The following KSR2 variants were observed in gnomAD, a reference collection of about 807,000 sequenced individuals.
KSR2 encodes kinase suppressor of ras 2.
Under a neutral mutation model 107.8 loss-of-function variants are expected in KSR2, and 25 were observed. That is an observed-to-expected ratio of 0.23 (90% CI 0.17 to 0.32). The LOEUF (loss-of-function observed/expected upper bound fraction) is 0.32. Ranked by LOEUF, KSR2 falls within the 10% of genes least tolerant of loss-of-function variation. KSR2 has a pLI of 1.00. For missense variants in KSR2, 887 were observed against 1,268.9 expected (o/e 0.70, Z 4.57); for synonymous variants, 480 against 507.0 (o/e 0.95, Z 0.71).
At chr12:117,760,958 C>T in intron 4 of KSR2, 53 bp downstream of exon 4, 2 of 1,606,440 alleles carry the variant, frequency 1.2e-6, no homozygotes, top group Non-Finnish European at 8.5e-7. Context: ...CAAGGGGCAG[C>T]CCCTCGCAGG....
intron 15 of KSR2, among the ~76,000 whole-genome samples, 187 bp downstream of exon 15, chr12:117,485,408 G>T (rs770210602): frequency 6.6e-6 from 1 of 152,162 alleles, no homozygotes; most frequent in Admixed American, 6.6e-5. Flanking sequence ...CCTAAAGATC[G>T]TATCGAGGCA....
chr12:117,640,886 C>A (rs1428983270), intron 5 of KSR2, among the ~76,000 whole-genome samples: 3 of 152,172 alleles, frequency 2.0e-5, no homozygotes, highest in Non-Finnish European at 4.4e-5. Context: ...CACTTCCCCC[C>A]AAAAGCACCC....
At chr12:117,796,752 C>T (rs1278425503) in intron 3 of KSR2, among the ~76,000 whole-genome samples, 1 of 152,098 alleles carries the variant, frequency 6.6e-6, no homozygotes, top group Non-Finnish European at 1.5e-5. Flanking sequence ...AACAAGGTGG[C>T]TTAAGGAAAA....
chr12:117,820,529 G>A (rs1036272535), intron 3 of KSR2, among the ~76,000 whole-genome samples: 5 of 152,136 alleles, frequency 3.3e-5, no homozygotes, highest in African/African-American at 1.2e-4. Context: ...TCAGATCGTT[G>A]TCTTGCAATT....
At chr12:117,944,494 G>T (rs555639277) in intron 1 of KSR2, among the ~76,000 whole-genome samples, 4 of 152,014 alleles carry the variant, frequency 2.6e-5, no homozygotes, top group Non-Finnish European at 4.4e-5. Context: ...AAAATCATTC[G>T]ATTGTACAGT....
chr12:117,792,844 A>G (rs2136979860), intron 3 of KSR2, among the ~76,000 whole-genome samples: 1 of 152,304 alleles, frequency 6.6e-6, no homozygotes, highest in South Asian at 2.1e-4. Context: ...CAAGGCAAAT[A>G]TTGGTTTGCA....
intron 4 of KSR2, among the ~76,000 whole-genome samples, chr12:117,743,100 A>G (rs1398478547): frequency 6.6e-6 from 1 of 152,232 alleles, no homozygotes; most frequent in African/African-American, 2.4e-5. Context: ...CAGCTTCACC[A>G]GGCCAAGGGC....
At chr12:117,886,007 A>G (rs1334339819) in intron 1 of KSR2, among the ~76,000 whole-genome samples, 1 of 151,910 alleles carries the variant, frequency 6.6e-6, no homozygotes, top group Non-Finnish European at 1.5e-5. Context: ...GAGGCAGGAG[A>G]ATGGCATTAA....
chr12:117,947,600 G>A, intron 1 of KSR2, among the ~76,000 whole-genome samples: 1 of 150,412 alleles, frequency 6.6e-6, no homozygotes, highest in African/African-American at 2.5e-5. Flanking sequence ...CCTATTCTCA[G>A]ACAACATGAT....
chr12:117,630,027 G>C (rs1295220776), intron 5 of KSR2, among the ~76,000 whole-genome samples: 1 of 152,212 alleles, frequency 6.6e-6, no homozygotes. Context: ...GCAGAAGTGG[G>C]TCATGGGAGT....
chr12:117,647,770 T>C (rs1416174919), intron 5 of KSR2, among the ~76,000 whole-genome samples: 1 of 152,150 alleles, frequency 6.6e-6, no homozygotes, highest in Non-Finnish European at 1.5e-5. Flanking sequence ...TCGCCCAGGC[T>C]GGAGTGCAGT....
intron 7 of KSR2, among the ~76,000 whole-genome samples, chr12:117,574,892 G>GGA (rs1555217747): frequency 4.6e-4 from 53 of 115,328 alleles, no homozygotes; most frequent in Non-Finnish European, 7.6e-4. Flanking sequence ...TGCTCTGGGT[G>GGA]AAAAAAAAAA....
At chr12:117,747,838 T>C (rs1026722556) in intron 4 of KSR2, among the ~76,000 whole-genome samples, 1 of 152,172 alleles carries the variant, frequency 6.6e-6, no homozygotes, top group Non-Finnish European at 1.5e-5. Flanking sequence ...AAGGAACCCT[T>C]GTACACTGTT....
At chr12:117,683,436 G>A (rs558030692) in intron 4 of KSR2, among the ~76,000 whole-genome samples, 66 of 152,126 alleles carry the variant, frequency 4.3e-4, no homozygotes, top group Middle Eastern at 3.4e-3. Flanking sequence ...GCTGGTAACT[G>A]GTATCTTGGA....
intron 3 of KSR2, among the ~76,000 whole-genome samples, chr12:117,798,717 A>G (rs1012730526): frequency 6.2e-5 from 6 of 96,944 alleles, no homozygotes; most frequent in Non-Finnish European, 9.0e-5. Context: ...TCCAAAAAAA[A>G]AAAATATATA....
At chr12:117,594,592 G>A (rs542033101) in intron 5 of KSR2, among the ~76,000 whole-genome samples, 1 of 152,160 alleles carries the variant, frequency 6.6e-6, no homozygotes, top group Non-Finnish European at 1.5e-5. Context: ...GACCTCTGGG[G>A]CAGGATACCT....
At chr12:117,683,747 A>G (rs1360050584) in intron 4 of KSR2, among the ~76,000 whole-genome samples, 1 of 152,194 alleles carries the variant, frequency 6.6e-6, no homozygotes, top group Non-Finnish European at 1.5e-5. Flanking sequence ...GGTCTAGGGC[A>G]AGAGAGGAAT....
At chr12:117,886,659 T>C (rs2137340923) in intron 1 of KSR2, among the ~76,000 whole-genome samples, 1 of 152,284 alleles carries the variant, frequency 6.6e-6, no homozygotes, top group South Asian at 2.1e-4. Context: ...ATCCCCGTCA[T>C]TTAGCGACAT....
chr12:117,923,609 G>A (rs1440506286), intron 1 of KSR2, among the ~76,000 whole-genome samples: 3 of 152,082 alleles, frequency 2.0e-5, no homozygotes, highest in Non-Finnish European at 4.4e-5. Flanking sequence ...AGGATACAGC[G>A]AGCTATGATC....
Sources: allele counts gnomAD v4.1 joint callset (sites outside exome capture counted in the v4.1 genomes callset), GRCh38; gene constraint gnomAD v4.1.1; transcripts MANE v1.5; gene names NCBI Gene and HGNC (gene_info 2026-07-23, HGNC 2026-07-21).